Variants in PAN3 observed in about 807,000 individuals in gnomAD.
The protein encoded by PAN3 is PAN2-PAN3 deadenylation complex subunit PAN3.
A neutral mutation model predicts 96.2 loss-of-function variants in PAN3; 19 were observed. The ratio of observed to expected loss-of-function variants is 0.20; its 90% CI spans 0.14 to 0.29. The LOEUF is 0.29. PAN3 is among the 10% of genes least tolerant of loss of function. The pLI is 1.00. For synonymous variants in PAN3, 433 were observed against 406.6 expected, an observed-to-expected ratio of 1.06 and a Z score of -0.78; for missense variants, 882 against 1,108.1, an observed-to-expected ratio of 0.80 and a Z score of 2.90.
intron 6 of PAN3, among the ~76,000 whole-genome samples, chr13:28,225,933 A>G (rs1364287352): frequency 6.6e-6 from 1 of 152,204 alleles, no homozygotes; most frequent in African/African-American, 2.4e-5. Flanking sequence ...TGTAAGTCAT[A>G]AGGAATAGAA....
At chr13:28,242,185 G>C (rs575813001) in intron 6 of PAN3, among the ~76,000 whole-genome samples, 1 of 152,038 alleles carries the variant, frequency 6.6e-6, no homozygotes, top group Non-Finnish European at 1.5e-5. Flanking sequence ...AAATAGTATT[G>C]ACTGACATAT....
At chr13:28,144,207 TTTTG>T (rs1263694571) in intron 1 of PAN3, among the ~76,000 whole-genome samples, 1 of 141,112 alleles carries the variant, frequency 7.1e-6, no homozygotes, top group African/African-American at 3.0e-5. Flanking sequence ...CGATAAGTTT[TTTTG>T]TTTTTTTTTT....
chr13:28,266,164 G>A (rs948711874), intron 9 of PAN3, among the ~76,000 whole-genome samples: 2 of 151,934 alleles, frequency 1.3e-5, no homozygotes, highest in Non-Finnish European at 2.9e-5. Context: ...CCTTTAAAAG[G>A]TTACCATTGT....
At chr13:28,170,273 A>G (rs1365292367) in intron 1 of PAN3, among the ~76,000 whole-genome samples, 5 of 152,180 alleles carry the variant, frequency 3.3e-5, no homozygotes, top group African/African-American at 1.2e-4. Context: ...TTATTGGGAC[A>G]AATTCTATTT....
At chr13:28,289,202 T>C (rs909750901) in intron 18 of PAN3, among the ~76,000 whole-genome samples, 1 of 152,200 alleles carries the variant, frequency 6.6e-6, no homozygotes, top group Non-Finnish European at 1.5e-5. Context: ...CAGGTCCAGC[T>C]GTTATAAATG....
chr13:28,163,452 T>C (rs1331369737), intron 1 of PAN3, among the ~76,000 whole-genome samples: 1 of 152,194 alleles, frequency 6.6e-6, no homozygotes, highest in Non-Finnish European at 1.5e-5. Context: ...TTAGAAAACA[T>C]ACTAGGCACT....
chr13:28,285,200 G>A (rs1441992340), intron 17 of PAN3, among the ~76,000 whole-genome samples: 11 of 151,984 alleles, frequency 7.2e-5, no homozygotes, highest in Non-Finnish European at 1.6e-4. Flanking sequence ...TGTTTGGGTC[G>A]TTTTCAGTAA....
At chr13:28,177,642 AATAG>A (rs1482135608) in intron 3 of PAN3, among the ~76,000 whole-genome samples, 1 of 152,198 alleles carries the variant, frequency 6.6e-6, no homozygotes, top group East Asian at 1.9e-4. Flanking sequence ...GTTCTAGTCA[AATAG>A]ATCTATCCTG....
chr13:28,276,966 C>T (rs893989436), intron 14 of PAN3, among the ~76,000 whole-genome samples: 1 of 152,096 alleles, frequency 6.6e-6, no homozygotes, highest in Non-Finnish European at 1.5e-5. Context: ...TCTCTTAAGG[C>T]GTGGACCTAG....
chr13:28,281,820 G>T (rs45531331), intron 17 of PAN3, among the ~76,000 whole-genome samples: 2,905 of 148,126 alleles, frequency 0.02, 111 homozygotes, highest in African/African-American at 0.068. Flanking sequence ...CGCCAGGCTG[G>T]AGTGCAGTGG....
intron 6 of PAN3, among the ~76,000 whole-genome samples, chr13:28,229,604 T>C (rs188236368): frequency 4.9e-4 from 75 of 152,346 alleles, no homozygotes; most frequent in Admixed American, 7.2e-4. Context: ...TTATAACTTT[T>C]TGAAGGTAAG....
At chr13:28,219,540 T>G (rs1169157844) in intron 5 of PAN3, among the ~76,000 whole-genome samples, 3 of 152,210 alleles carry the variant, frequency 2.0e-5, no homozygotes, top group Non-Finnish European at 2.9e-5. Context: ...TGTTCTAGTA[T>G]TTCTTAAAGC....
chr13:28,282,875 GGTTT>G (rs1256566494), intron 17 of PAN3, among the ~76,000 whole-genome samples: 11 of 146,252 alleles, frequency 7.5e-5, no homozygotes, highest in African/African-American at 2.3e-4. Context: ...TTTATTCCTT[GGTTT>G]GTTTATTTAT....
chr13:28,239,781 G>T, intron 6 of PAN3: 1 of 748,536 alleles, frequency 1.3e-6, no homozygotes, highest in East Asian at 6.6e-5. Flanking sequence ...TGAAAACAGG[G>T]TTTGTGAAGG....
At chr13:28,142,829 C>T (rs1392774731) in intron 1 of PAN3, among the ~76,000 whole-genome samples, 1 of 152,160 alleles carries the variant, frequency 6.6e-6, no homozygotes, top group East Asian at 1.9e-4. Context: ...GTTGATAGAG[C>T]ATAATTCTCT....
rs781776016 is a variant in PAN3 at position 28,138,890 on chromosome 13, G to C, written c.233G>C (p.Gly78Ala). The C allele has an allele frequency of 2.2e-5, 31 of 1,405,296 alleles. No individual in the cohort carries two copies. The highest frequency in any genetic ancestry group is 2.8e-5 in the Non-Finnish European group (30 of 1,084,314). The allele number at this position is 1,405,296 out of a possible 1,614,324, so 87.1% of individuals were successfully genotyped here. Residue 78 changes from glycine to alanine, a missense_variant, in exon 1 of 19, where the codon GGC (glycine) becomes GCC (alanine). Physicochemically the swap from Gly to Ala is moderately conservative, Grantham distance 60. Around this residue, in one of 3 missense-constraint regions of PAN3, gnomAD observed 442 missense variants for 422.8 expected, o/e 1.05. Transcript: ENST00000380958. ...GACCCTGCCGCCGGGGCTGCCCCGG[G>C]CCTCGGCCTCCATAGCAACAGCGTC... ...HEDPAAGAAP[G>A]LGLHSNSVPL...
chr13:28,267,435 C>CTA (rs746709334), intron 12 of PAN3, 34 bp downstream of exon 12: 44 of 1,521,632 alleles, frequency 2.9e-5, no homozygotes, highest in Non-Finnish European at 1.8e-5. Context: ...TATATTTTGA[C>CTA]TAATGCTTTT....
chr13:28,224,562 A>T (rs1280848145), intron 6 of PAN3, among the ~76,000 whole-genome samples: 4 of 152,216 alleles, frequency 2.6e-5, no homozygotes, highest in African/African-American at 9.7e-5. Flanking sequence ...GTCAATATTC[A>T]TTCCTTCAAG....
chr13:28,168,717 A>T (rs1593398005), intron 1 of PAN3, among the ~76,000 whole-genome samples: 1 of 151,050 alleles, frequency 6.6e-6, no homozygotes, highest in Non-Finnish European at 1.5e-5. Flanking sequence ...AGACTCTCTT[A>T]AAAAAAAGAA....
Sources: allele counts gnomAD v4.1 joint callset (sites outside exome capture counted in the v4.1 genomes callset), GRCh38; gene constraint gnomAD v4.1.1; regional missense constraint gnomAD v4.1.1; transcripts MANE v1.5; gene names NCBI Gene and HGNC (gene_info 2026-07-23, HGNC 2026-07-21).